Variants in PIK3CD observed in about 807,000 individuals in gnomAD.
The protein encoded by PIK3CD is phosphatidylinositol 4,5-bisphosphate 3-kinase catalytic subunit delta isoform.
Under a neutral mutation model 122.9 loss-of-function variants are expected in PIK3CD, and 20 were observed. The observed-to-expected ratio is 0.16, with a 90% CI of 0.11 to 0.24. The LOEUF (loss-of-function observed/expected upper bound fraction) is 0.24. Ranked by LOEUF, PIK3CD falls within the 10% of genes least tolerant of loss-of-function variation. The probability of loss-of-function intolerance (pLI) is 1.00; values close to 1 mark genes in which losing one functional copy is unlikely to be tolerated. For synonymous variants in PIK3CD, 596 were observed against 593.4 expected, an observed-to-expected ratio of 1.00 and a Z score of -0.06; for missense variants, 787 against 1,406.3, an observed-to-expected ratio of 0.56 and a Z score of 7.04.
chr1:9,689,765 C>T lies in PIK3CD; in HGVS notation c.-137-1702C>T, dbSNP rs1370013504. ...CGGGCGTCTGCGGGGTCCCCGTGCC[C>T]CGCCCCCAGCCCCGCCGGGCGTCCC... On this transcript the variant is annotated intron_variant, in intron 1 of 23. Transcript: ENST00000377346. This position sits in a 1 kb window ranked among gnomAD's most constrained non-coding sequence, Gnocchi z 6.1. Among the ~76,000 whole-genome samples the T allele has an allele frequency of 3.3e-5, 5 of 151,664 alleles. No individual in the cohort carries two copies. In the East Asian group the frequency reaches 9.7e-4, roughly 30 times the overall value.
the PIK3CD span, among the ~76,000 whole-genome samples, chr1:9,633,771 GT>G: frequency 6.6e-6 from 1 of 151,932 alleles, no homozygotes; most frequent in Non-Finnish European, 1.5e-5. Flanking sequence ...TAGAAAGAAG[GT>G]TTTTTTTCTC....
intron 1 of PIK3CD, chr1:9,687,633 C>G (rs1489558969): frequency 6.6e-6 from 1 of 152,088 alleles, no homozygotes; most frequent in Non-Finnish European, 1.5e-5. Flanking sequence ...GGGCTCCGCC[C>G]TCTCCCGGGA....
chr1:9,727,049 G>GCTCC lies in PIK3CD; in HGVS notation c.*4_*7dup. Reference sequence around the variant, plus strand: ...TGTCCAAAGACAACAGGCAGTAGTGGCTCCTCCCAGCCCTGGGCCCAAGAG... The same window carrying GCTCC: ...TGTCCAAAGACAACAGGCAGTAGTGGCTCCCTCCTCCCAGCCCTGGGCCCAAGAG... On this transcript the variant is annotated 3_prime_UTR_variant, in exon 24 of 24. Transcript: ENST00000377346. 1.2e-6 allele frequency: 2 copies of GCTCC among 1,614,046 alleles called. No individual in the cohort carries two copies. The highest frequency in any genetic ancestry group is 1.7e-6 in the Non-Finnish European group (2 of 1,179,998).
intron 3 of PIK3CD, among the ~76,000 whole-genome samples, chr1:9,713,853 C>CTTT (rs59908140): frequency 1.2e-4 from 16 of 131,744 alleles, no homozygotes; most frequent in African/African-American, 4.3e-4. Context: ...TATTTTTATA[C>CTTT]TTTTTTTTTT....
intron 14 of PIK3CD, 88 bp from the exon 15 acceptor site, chr1:9,721,356 C>G: frequency 1.9e-6 from 3 of 1,608,232 alleles, no homozygotes; most frequent in Non-Finnish European, 2.5e-6. Flanking sequence ...CTTGCTCCCT[C>G]CTGCCTGGCC....
At chr1:9,657,222 T>C (rs1644883290) in intron 1 of PIK3CD, among the ~76,000 whole-genome samples, 1 of 152,192 alleles carries the variant, frequency 6.6e-6, no homozygotes, top group African/African-American at 2.4e-5. Context: ...ATAATTCAGA[T>C]AGAAATCATT....
rs1253909515 is a variant in PIK3CD at position 9,700,313 on chromosome 1, G to A, written c.-33+8742G>A. ...AGCTGGGACGCCGTTCTTCCACCTT[G>A]GGCTCCAGAAAGAGCACCAAGGAGA... On this transcript the variant is annotated intron_variant, in intron 2 of 23. Transcript: ENST00000377346. The surrounding 1 kb of genome is among the most constrained non-coding windows in gnomAD (Gnocchi z 5.1). Among the ~76,000 whole-genome samples the A allele has an allele frequency of 2.6e-5, 4 of 151,978 alleles. No individual in the cohort carries two copies. The highest frequency in any genetic ancestry group is 9.7e-5 in the African/African-American group (4 of 41,362).
At chr1:9,657,720 C>T (rs1360825321) in intron 1 of PIK3CD, among the ~76,000 whole-genome samples, 2 of 152,184 alleles carry the variant, frequency 1.3e-5, no homozygotes, top group Non-Finnish European at 2.9e-5. Context: ...GCTACTCTCT[C>T]TCTCTCTGAG....
chr1:9,639,056 C>T, the PIK3CD span, among the ~76,000 whole-genome samples: 3 of 152,062 alleles, frequency 2.0e-5, no homozygotes, highest in East Asian at 5.8e-4. Flanking sequence ...CGTGAGCCAT[C>T]GCCTCCGGCC....
Position 9,722,037 on chromosome 1 carries a change from C to A in PIK3CD, c.2118C>A (p.Thr706=). The A allele has an allele frequency of 1.9e-6, 3 of 1,613,710 alleles. No individual in the cohort carries two copies. The highest frequency in any genetic ancestry group is 2.5e-6 in the Non-Finnish European group (3 of 1,180,028). The change falls in exon 17 of 24, where the codon ACC becomes ACA. Residue 706 remains threonine (T), a synonymous_variant. Coordinates refer to ENST00000377346, the MANE Select transcript of PIK3CD (RefSeq NM_005026.5). This position sits in a 1 kb window ranked among gnomAD's most constrained non-coding sequence, Gnocchi z 7.6. ...NDFVKLSSQK[T]PKPQTKELMH... ...TCGTCAAGCTGAGCTCTCAGAAGAC[C>A]CCCAAGCCCCAGACCAAGGAGCTGA...
the PIK3CD span, among the ~76,000 whole-genome samples, chr1:9,628,039 A>G: frequency 6.6e-6 from 1 of 152,174 alleles, no homozygotes; most frequent in Non-Finnish European, 1.5e-5. Flanking sequence ...ACAGAGCGAG[A>G]CGCCTGTAGT....
At position 9,716,604 on chromosome 1, in the gene PIK3CD, G is replaced by A. The variant is rs928182057; in HGVS notation, c.765G>A (p.Pro255=). 28 of 1,561,742 alleles carry A rather than the reference G, an allele frequency of 1.8e-5. No individual in the cohort carries two copies. The highest frequency in any genetic ancestry group is 2.7e-5 in the African/African-American group (2 of 73,342). Residue 255 remains proline (P), a synonymous_variant, in exon 6 of 24, where the codon CCG becomes CCA. Transcript: ENST00000377346. ...GRHEYLYGSY[P]LCQFQYICSC... ...ATGAGTACCTGTATGGCAGCTACCCGCTCTGCCAGTTCCAGGTGAGGCCGC... is the reference window on the plus strand; with the variant it reads ...ATGAGTACCTGTATGGCAGCTACCCACTCTGCCAGTTCCAGGTGAGGCCGC...
intron 6 of PIK3CD, 49 bp downstream of exon 6, chr1:9,716,668 AGGGCCTGG>A (rs1557661971): frequency 2.0e-6 from 3 of 1,527,744 alleles, no homozygotes; most frequent in Non-Finnish European, 2.7e-6. Context: ...CGCCCTGGAT[AGGGCCTGG>A]GTGGGAGTCG....
Position 9,721,171 on chromosome 1 carries a change from C to A in PIK3CD, c.1734C>A (p.Ser578Arg). ...CCTGGCCGGAGCTGCCCGTCCTGAG[C>A]GCCCTGGAGCTGCTAGACTTCAGCT... is the stretch of plus-strand genomic sequence containing the variant. ...LCSWPELPVL[S>R]ALELLDFSFP... The change falls in exon 14 of 24, where the codon AGC becomes AGA. Residue 578 changes from serine (S) to arginine (R), a missense_variant. Transcript: ENST00000377346. 6.2e-7 allele frequency: 1 copy of A among 1,613,140 alleles called. No homozygotes were observed. Among genetic ancestry groups the A allele is most frequent in the Non-Finnish European group, 8.5e-7 (1 of 1,179,956 alleles).
At position 9,689,781 on chromosome 1, in the gene PIK3CD, C is replaced by T. The variant is rs2100428664; in HGVS notation, c.-137-1686C>T. On this transcript the variant is annotated intron_variant, in intron 1 of 23. Transcript: ENST00000377346. The surrounding 1 kb of genome is among the most constrained non-coding windows in gnomAD (Gnocchi z 6.1). ...CCCCGTGCCCCGCCCCCAGCCCCGC[C>T]GGGCGTCCCACCCCGCCCAGCCCCG... Among the ~76,000 whole-genome samples, 1 of 151,838 alleles carries T rather than the reference C, an allele frequency of 6.6e-6. No individual in the cohort carries two copies. Among genetic ancestry groups the T allele is most frequent in the Non-Finnish European group, 1.5e-5 (1 of 67,834 alleles).
intron 2 of PIK3CD, among the ~76,000 whole-genome samples, chr1:9,695,853 A>AAAAAAAAAAAGAAAAG (rs1406553453): frequency 1.3e-5 from 2 of 150,248 alleles, no homozygotes; most frequent in African/African-American, 5.0e-5. Context: ...CAAAAAAAAA[A>AAAAAAAAAAAGAAAAG]AAAAGAAAAG....
Position 9,727,377 on chromosome 1 carries a change from C to T in PIK3CD, c.*331C>T. 2.3e-6 allele frequency: 1 copy of T among 441,018 alleles called. No homozygotes were observed. The highest frequency in any genetic ancestry group is 4.2e-6 in the Non-Finnish European group (1 of 235,396). The allele number at this position is 441,018 out of a possible 1,614,324, so 27.3% of individuals were successfully genotyped here. ...TCTCCTCCCGAGGGAACCTTCTTCC[C>T]AGGCCTCCCGCCAGACTGCCTGGGT... is the stretch of plus-strand genomic sequence containing the variant. On this transcript the variant is annotated 3_prime_UTR_variant, in exon 24 of 24. Coordinates refer to ENST00000377346, the MANE Select transcript of PIK3CD (RefSeq NM_005026.5).
the PIK3CD span, among the ~76,000 whole-genome samples, chr1:9,627,905 C>T: frequency 2.6e-5 from 4 of 152,334 alleles, no homozygotes; most frequent in East Asian, 1.9e-4. Flanking sequence ...CCGCGGGTGG[C>T]AGAGCCCCAC....
rs978133614 is a variant in PIK3CD at position 9,697,707 on chromosome 1, C to T, written c.-33+6136C>T. ...ATGATCACGCCATTGCACTGTAGCA[C>T]GGGCAACAAAGTGAGACCCTGTCTC... On this transcript the variant is annotated intron_variant, in intron 2 of 23. Transcript: ENST00000377346. Among the ~76,000 whole-genome samples the T allele has an allele frequency of 5.3e-5, 8 of 149,800 alleles. No homozygotes were observed. In the South Asian group the frequency reaches 8.5e-4, roughly 16 times the overall value.
Sources: gnomAD v4.1 joint callset for allele counts (sites outside exome capture counted in the v4.1 genomes callset) on GRCh38, gnomAD v4.1.1 for gene constraint, Gnocchi (gnomAD v3.1) non-coding constraint, MANE v1.5 for transcripts, NCBI Gene and HGNC (gene_info 2026-07-23, HGNC 2026-07-21) for gene names.